Variants in MTSS1 observed in about 807,000 individuals in gnomAD.
The protein encoded by MTSS1 is MTSS I-BAR domain containing 1, also known as protein MTSS 1.
Under a neutral mutation model 79.0 loss-of-function variants are expected in MTSS1, and 18 were observed. The observed-to-expected ratio is 0.23, with a 90% confidence interval of 0.16 to 0.34. The LOEUF (loss-of-function observed/expected upper bound fraction) is 0.34. Among genes scored for constraint, MTSS1 ranks in the 10% least tolerant of loss-of-function variants. The probability of loss-of-function intolerance (pLI) is 1.00; values close to 1 mark genes in which losing one functional copy is unlikely to be tolerated. For missense variants in MTSS1, 815 were observed against 986.2 expected (o/e 0.83, Z 2.33); for synonymous variants, 341 against 368.6 (o/e 0.93, Z 0.86).
At chr8:124,613,086 C>T (rs1447901312) in intron 3 of MTSS1, among the ~76,000 whole-genome samples, 1 of 152,098 alleles carries the variant, frequency 6.6e-6, no homozygotes, top group Non-Finnish European at 1.5e-5. Flanking sequence ...CTCAGCCGCC[C>T]GAGGACCATC....
intron 3 of MTSS1, among the ~76,000 whole-genome samples, chr8:124,660,432 GCA>G (rs5894719): frequency 0.17 from 23,343 of 140,556 alleles, 1,994 homozygotes; most frequent in Middle Eastern, 0.26. Flanking sequence ...CCATGCGCAT[GCA>G]CACACACACA....
intron 3 of MTSS1, among the ~76,000 whole-genome samples, chr8:124,610,808 T>G (rs1353392074): frequency 6.6e-6 from 1 of 152,132 alleles, no homozygotes; most frequent in Non-Finnish European, 1.5e-5. Flanking sequence ...AGGTTTAGGC[T>G]CTGGCAATGC....
At chr8:124,669,303 C>T (rs537960262) in intron 3 of MTSS1, among the ~76,000 whole-genome samples, 66 of 152,336 alleles carry the variant, frequency 4.3e-4, no homozygotes, top group Non-Finnish European at 8.2e-4. Flanking sequence ...TCCACCGTCT[C>T]GCTCCGCTGA....
At chr8:124,629,709 AC>A (rs1002059959) in intron 3 of MTSS1, among the ~76,000 whole-genome samples, 10 of 152,098 alleles carry the variant, frequency 6.6e-5, no homozygotes, top group African/African-American at 2.2e-4. Context: ...TGGAGGCTGG[AC>A]AGGTAGTTTC....
chr8:124,686,128 A>T (rs895686268), intron 3 of MTSS1, among the ~76,000 whole-genome samples: 1 of 152,160 alleles, frequency 6.6e-6, no homozygotes, highest in African/African-American at 2.4e-5. Context: ...CATCTCATAG[A>T]CAACGAAACT....
intron 1 of MTSS1, among the ~76,000 whole-genome samples, chr8:124,715,685 ATTTT>A (rs34773142): frequency 6.7e-6 from 1 of 150,214 alleles, no homozygotes; most frequent in East Asian, 2.0e-4. Context: ...TTCCATAGCC[ATTTT>A]TTTTTTAAGT....
chr8:124,612,822 C>T lies in MTSS1; in HGVS notation c.209-21587G>A, dbSNP rs1008860758. 3.9e-5 allele frequency among the ~76,000 whole-genome samples: 6 copies of T among 152,034 alleles called. No individual in the cohort carries two copies. In the East Asian group the frequency reaches 1.2e-3, roughly 29 times the overall value. ...TTGGAAAACGAGATTAAACAAATCC[C>T]ATTTTCTTATTTTTTTTAGGTTCAA... is the stretch of plus-strand genomic sequence containing the variant. On this transcript the variant is annotated intron_variant, in intron 3 of 13. Coordinates refer to ENST00000518547, the MANE Select transcript of MTSS1 (RefSeq NM_014751.6).
At chr8:124,635,588 C>G (rs892353558) in intron 3 of MTSS1, among the ~76,000 whole-genome samples, 1 of 152,184 alleles carries the variant, frequency 6.6e-6, no homozygotes, top group Non-Finnish European at 1.5e-5. Context: ...CACTCTTGGT[C>G]TATTCTAATC....
At chr8:124,554,746 T>C (rs1823223090) in intron 13 of MTSS1, among the ~76,000 whole-genome samples, 1 of 152,208 alleles carries the variant, frequency 6.6e-6, no homozygotes, top group Admixed American at 6.5e-5. Context: ...TAATTTCCAC[T>C]TCTGTAAAAT....
chr8:124,559,018 C>A (rs1463221887), intron 10 of MTSS1, among the ~76,000 whole-genome samples: 19 of 152,094 alleles, frequency 1.2e-4, no homozygotes. Flanking sequence ...ACTTTTCCCC[C>A]AAAGTTGCAT....
chr8:124,565,866 G>T, intron 8 of MTSS1, 107 bp from the exon 9 acceptor site: 2 of 885,520 alleles, frequency 2.3e-6, no homozygotes, highest in Non-Finnish European at 3.4e-6. Context: ...CGTGGGGGTG[G>T]GAATGAAAGC....
chr8:124,663,798 G>A (rs1456225471), intron 3 of MTSS1, among the ~76,000 whole-genome samples: 1 of 152,128 alleles, frequency 6.6e-6, no homozygotes, highest in African/African-American at 2.4e-5. Context: ...GTAAGACGTG[G>A]TCCCATTCCT....
At chr8:124,678,218 T>C (rs1318081936) in intron 3 of MTSS1, among the ~76,000 whole-genome samples, 1 of 152,150 alleles carries the variant, frequency 6.6e-6, no homozygotes, top group African/African-American at 2.4e-5. Flanking sequence ...GCTGGCATAG[T>C]ATCACAGGAA....
At chr8:124,579,981 T>C (rs1455638393) in intron 6 of MTSS1, 1 of 152,554 alleles carries the variant, frequency 6.6e-6, no homozygotes, top group African/African-American at 2.4e-5. Flanking sequence ...AATTGGAAGA[T>C]CTGATACTTC....
chr8:124,660,675 G>A (rs927451474), intron 3 of MTSS1, among the ~76,000 whole-genome samples: 2 of 152,176 alleles, frequency 1.3e-5, no homozygotes, highest in Admixed American at 1.3e-4. Flanking sequence ...AGGAATCAGA[G>A]CAGCCACAAT....
chr8:124,674,096 C>T (rs1300207544), intron 3 of MTSS1, among the ~76,000 whole-genome samples: 1 of 152,142 alleles, frequency 6.6e-6, no homozygotes, highest in Non-Finnish European at 1.5e-5. Flanking sequence ...CTTAATGAAC[C>T]AGACTGTCTA....
At chr8:124,642,230 T>C (rs982780983) in intron 3 of MTSS1, among the ~76,000 whole-genome samples, 1 of 152,172 alleles carries the variant, frequency 6.6e-6, no homozygotes, top group African/African-American at 2.4e-5. Context: ...TAGGCAGAAA[T>C]TGAAGGCTTT....
intron 1 of MTSS1, among the ~76,000 whole-genome samples, chr8:124,715,167 G>A (rs1007068725): frequency 1.3e-5 from 2 of 152,088 alleles, no homozygotes; most frequent in African/African-American, 2.4e-5. Context: ...CTCCAAAACT[G>A]CTTCTGCATT....
intron 1 of MTSS1, among the ~76,000 whole-genome samples, chr8:124,707,294 C>T (rs1431882475): frequency 6.7e-6 from 1 of 149,788 alleles, no homozygotes; most frequent in Non-Finnish European, 1.5e-5. Context: ...CACCTGTAAT[C>T]CTAGCACTTT....
Sources: allele counts gnomAD v4.1 joint callset (sites outside exome capture counted in the v4.1 genomes callset), GRCh38; gene constraint gnomAD v4.1.1; transcripts MANE v1.5; gene names NCBI Gene and HGNC (gene_info 2026-07-23, HGNC 2026-07-21).